UBE2K: variants seen among roughly 807,000 people sequenced by gnomAD.
UBE2K encodes the protein ubiquitin conjugating enzyme E2 K.
In UBE2K, 6 loss-of-function variants were observed where a neutral mutation model predicts 30.0. That is an observed-to-expected ratio of 0.20 (90% CI 0.11 to 0.39). UBE2K has a LOEUF of 0.39. Among genes scored for constraint, UBE2K ranks in the 10% least tolerant of loss-of-function variants. The probability of loss-of-function intolerance (pLI) is 1.00; values close to 1 mark genes in which losing one functional copy is unlikely to be tolerated. For missense variants in UBE2K, 61 were observed against 241.6 expected (o/e 0.25, Z 4.96); for synonymous variants, 86 against 83.7 (o/e 1.03, Z -0.15).
intron 1 of UBE2K, among the ~76,000 whole-genome samples, chr4:39,699,622 C>G (rs139855115): frequency 6.6e-6 from 1 of 152,130 alleles, no homozygotes; most frequent in Non-Finnish European, 1.5e-5. Context: ...TGATTATTTT[C>G]AAGATTCACA....
chr4:39,771,452 C>A, intron 4 of UBE2K: 4 of 1,569,612 alleles, frequency 2.5e-6, no homozygotes, highest in South Asian at 1.2e-5. Context: ...CGGGGGTGGG[C>A]AACCCTGGCC....
chr4:39,774,091 G>T (rs538390826), intron 4 of UBE2K, among the ~76,000 whole-genome samples: 1 of 152,048 alleles, frequency 6.6e-6, no homozygotes, highest in South Asian at 2.1e-4. Flanking sequence ...GAGCTCAGAA[G>T]TTCGATACCA....
At chr4:39,748,770 T>C (rs2109364403) in intron 3 of UBE2K, among the ~76,000 whole-genome samples, 1 of 152,302 alleles carries the variant, frequency 6.6e-6, no homozygotes, top group Admixed American at 6.5e-5. Flanking sequence ...AGTTGCAGTT[T>C]AGTGTTCTTT....
intron 1 of UBE2K, among the ~76,000 whole-genome samples, chr4:39,718,423 A>G (rs1042456005): frequency 6.6e-6 from 1 of 152,218 alleles, no homozygotes; most frequent in African/African-American, 2.4e-5. Flanking sequence ...CCAAGTCCCC[A>G]CTAGACTCAG....
chr4:39,770,940 GGGCTTCGGGGCT>G (rs1712766427), intron 4 of UBE2K: 5 of 1,572,056 alleles, frequency 3.2e-6, no homozygotes, highest in Non-Finnish European at 4.3e-6. Flanking sequence ...TGGGGGGTGG[GGGCTTCGGGGCT>G]GGCTTTGGGG....
At chr4:39,746,010 G>A (rs1720970879) in intron 3 of UBE2K, among the ~76,000 whole-genome samples, 200 bp downstream of exon 3, 1 of 152,000 alleles carries the variant, frequency 6.6e-6, no homozygotes, top group Non-Finnish European at 1.5e-5. Flanking sequence ...TCACCCAAAG[G>A]CAGCCAGTAA....
chr4:39,746,827 C>G (rs563081268), intron 3 of UBE2K, among the ~76,000 whole-genome samples: 2 of 152,194 alleles, frequency 1.3e-5, no homozygotes, highest in Non-Finnish European at 2.9e-5. Context: ...AAATGTTTCT[C>G]CCTCTCCTCT....
At chr4:39,765,601 C>T (rs1223001460) in intron 4 of UBE2K, among the ~76,000 whole-genome samples, 1 of 152,044 alleles carries the variant, frequency 6.6e-6, no homozygotes, top group African/African-American at 2.4e-5. Flanking sequence ...GGATGGATCA[C>T]CTGAGGTCAG....
rs3839130 is a variant in UBE2K at position 39,779,042 on chromosome 4, A to ACCCCCCCCCCCCCCCCCCCCCC, written c.*616_*617insCCCCCCCCCCCCCCCCCCCCCC. 1.1e-4 allele frequency: 14 copies of ACCCCCCCCCCCCCCCCCCCCCC among 128,294 alleles called. No individual in the cohort carries two copies. The highest frequency in any genetic ancestry group is 1.5e-4 in the African/African-American group (5 of 32,910). The allele number at this position is 128,294 out of a possible 1,614,324, so 7.9% of individuals were successfully genotyped here. A position where few individuals can be genotyped will look rare whatever the true frequency, so the allele number is the denominator to read the frequency against. On this transcript the variant is annotated 3_prime_UTR_variant, in exon 7 of 7. Transcript: ENST00000261427. ...TGGGACAGTGTCTGATTCCCCCTTCACCCCCCCCACCCCCGCCTTGCCACA... is the reference window on the plus strand; with the variant it reads ...TGGGACAGTGTCTGATTCCCCCTTCACCCCCCCCCCCCCCCCCCCCCCCCCCCCCCACCCCCGCCTTGCCACA...
chr4:39,740,171 T>C (rs1455678498), intron 2 of UBE2K, among the ~76,000 whole-genome samples: 2 of 152,120 alleles, frequency 1.3e-5, no homozygotes, highest in African/African-American at 4.8e-5. Flanking sequence ...ATAGTTATTC[T>C]TGAATTTTTT....
intron 1 of UBE2K, among the ~76,000 whole-genome samples, chr4:39,736,091 A>T (rs1468483229): frequency 6.6e-6 from 1 of 152,074 alleles, no homozygotes; most frequent in Non-Finnish European, 1.5e-5. Flanking sequence ...AGTTTAAGAA[A>T]GTCAGTCTAA....
intron 4 of UBE2K, among the ~76,000 whole-genome samples, chr4:39,765,948 CACAT>C (rs1712304606): frequency 2.0e-5 from 3 of 152,140 alleles, no homozygotes; most frequent in South Asian, 4.2e-4. Flanking sequence ...TACACACACA[CACAT>C]ACACATACAC....
chr4:39,721,027 C>T (rs1719392875), intron 1 of UBE2K, among the ~76,000 whole-genome samples: 1 of 152,056 alleles, frequency 6.6e-6, no homozygotes. Flanking sequence ...GATTACAGGC[C>T]TGAGCCCCTG....
chr4:39,724,139 ATTG>A (rs751635158), intron 1 of UBE2K, among the ~76,000 whole-genome samples: 1,343 of 130,546 alleles, frequency 0.01, 8 homozygotes, highest in Middle Eastern at 0.02. Flanking sequence ...TTTTTTTTTA[ATTG>A]TTGTCACCAG....
intron 4 of UBE2K, among the ~76,000 whole-genome samples, chr4:39,756,997 G>A (rs568522384): frequency 4.8e-4 from 67 of 140,902 alleles, no homozygotes; most frequent in African/African-American, 1.7e-3. Context: ...TGTTTTTTTG[G>A]GTGTTTTTTT....
intron 4 of UBE2K, among the ~76,000 whole-genome samples, chr4:39,761,844 C>A (rs924110951): frequency 6.6e-6 from 1 of 151,892 alleles, no homozygotes; most frequent in African/African-American, 2.4e-5. Flanking sequence ...ATCGAAGATA[C>A]AGTTTCTATA....
intron 1 of UBE2K, among the ~76,000 whole-genome samples, chr4:39,731,705 A>G (rs1720084665): frequency 6.6e-6 from 1 of 152,146 alleles, no homozygotes; most frequent in Non-Finnish European, 1.5e-5. Flanking sequence ...AATCGAGTGT[A>G]TTTCTTAGGC....
At chr4:39,771,149 C>T (rs1712793922) in intron 4 of UBE2K, 10 of 1,612,704 alleles carry the variant, frequency 6.2e-6, no homozygotes, top group South Asian at 4.4e-5. Context: ...ATGTCCCTAA[C>T]AGCGAATTCC....
At position 39,714,546 on chromosome 4, in the gene UBE2K, A is replaced by ATTTTTTTTTTTT. The variant is rs879776892; in HGVS notation, c.63+16157_63+16158insTTTTTTTTTTTT. 66 of 25,256 alleles carry ATTTTTTTTTTTT rather than the reference A, an allele frequency of 2.6e-3. 5 individuals are homozygous for ATTTTTTTTTTTT. Among genetic ancestry groups the ATTTTTTTTTTTT allele is most frequent in the Admixed American group, 5.0e-3 (6 of 1,204 alleles). 1.6% of individuals were successfully genotyped at this position (25,256 alleles called of 1,614,324 possible). ...TATATATATATATATATATATATAT[A>ATTTTTTTTTTTT]TATATTTTTTTTTTTTTTTAAGACT... On this transcript the variant is annotated intron_variant, in intron 1 of 6. Transcript: ENST00000261427.
Sources: allele counts gnomAD v4.1 joint callset (sites outside exome capture counted in the v4.1 genomes callset), GRCh38; gene constraint gnomAD v4.1.1; transcripts MANE v1.5; gene names NCBI Gene and HGNC (gene_info 2026-07-23, HGNC 2026-07-21).